OPCML: variants seen among roughly 807,000 people sequenced by gnomAD.
OPCML encodes opioid-binding protein/cell adhesion molecule.
In OPCML, 13 loss-of-function variants were observed where a neutral mutation model predicts 37.8. The ratio of observed to expected loss-of-function variants is 0.34; its 90% CI spans 0.22 to 0.55. OPCML has a LOEUF of 0.55. Among genes scored for constraint, OPCML ranks in the 20% least tolerant of loss-of-function variants. The pLI is 0.91. For missense variants in OPCML, 341 were observed against 435.6 expected (o/e 0.78, Z 1.93); for synonymous variants, 176 against 168.8 (o/e 1.04, Z -0.33).
chr11:132,612,660 G>T (rs952181687), intron 3 of OPCML, among the ~76,000 whole-genome samples: 1 of 152,122 alleles, frequency 6.6e-6, no homozygotes, highest in South Asian at 2.1e-4. Context: ...CTAAGCAGAG[G>T]CTTGAGAAGC....
intron 3 of OPCML, among the ~76,000 whole-genome samples, chr11:132,635,864 C>T (rs775316348): frequency 7.2e-5 from 11 of 152,018 alleles, no homozygotes; most frequent in Non-Finnish European, 8.8e-5. Flanking sequence ...CAGAACCAAG[C>T]GGCAGGAGGT....
At chr11:133,244,442 T>C (rs920863318) in intron 1 of OPCML, among the ~76,000 whole-genome samples, 4 of 152,030 alleles carry the variant, frequency 2.6e-5, no homozygotes, top group Non-Finnish European at 5.9e-5. Context: ...CCTAATAAGG[T>C]AGCAAACAGT....
chr11:133,264,275 G>A (rs906050940), intron 1 of OPCML, among the ~76,000 whole-genome samples: 6 of 152,150 alleles, frequency 3.9e-5, no homozygotes, highest in Non-Finnish European at 7.3e-5. Context: ...TCCAAGTGAC[G>A]GAGACAACAT....
At chr11:132,828,084 A>G (rs996746904) in intron 2 of OPCML, among the ~76,000 whole-genome samples, 1 of 152,226 alleles carries the variant, frequency 6.6e-6, no homozygotes, top group Non-Finnish European at 1.5e-5. Flanking sequence ...GTTATCAAAC[A>G]TAAAAAGGAC....
chr11:132,619,175 G>A (rs951301372), intron 3 of OPCML, among the ~76,000 whole-genome samples: 2 of 152,058 alleles, frequency 1.3e-5, no homozygotes, highest in Admixed American at 6.6e-5. Context: ...AGAGCTTCAC[G>A]TTCCTCAAGC....
intron 1 of OPCML, among the ~76,000 whole-genome samples, chr11:132,945,833 A>G (rs1260651422): frequency 6.6e-6 from 1 of 152,152 alleles, no homozygotes; most frequent in Admixed American, 6.5e-5. Context: ...CCCAGGCTGG[A>G]GTGCAGTGGC....
intron 2 of OPCML, among the ~76,000 whole-genome samples, chr11:132,881,627 A>G (rs1187743983): frequency 2.0e-5 from 3 of 151,966 alleles, no homozygotes; most frequent in African/African-American, 7.2e-5. Flanking sequence ...AAAAAATAAT[A>G]ATAATAAAAA....
chr11:133,126,876 T>C (rs999544849), intron 1 of OPCML, among the ~76,000 whole-genome samples: 1 of 152,084 alleles, frequency 6.6e-6, no homozygotes, highest in African/African-American at 2.4e-5. Flanking sequence ...AAAAGGTGCA[T>C]GTCATCACTG....
chr11:132,494,560 C>T (rs893010086), intron 4 of OPCML, among the ~76,000 whole-genome samples: 1 of 152,010 alleles, frequency 6.6e-6, no homozygotes, highest in Non-Finnish European at 1.5e-5. Flanking sequence ...AAAGATGGTT[C>T]TGCATGAAGA....
intron 1 of OPCML, among the ~76,000 whole-genome samples, chr11:133,020,481 T>C (rs1947430510): frequency 6.6e-6 from 1 of 152,214 alleles, no homozygotes; most frequent in Non-Finnish European, 1.5e-5. Context: ...TCCTGAGACA[T>C]TGGCTCAGCA....
chr11:132,462,515 C>A (rs894869419), intron 4 of OPCML, among the ~76,000 whole-genome samples: 1 of 152,114 alleles, frequency 6.6e-6, no homozygotes, highest in African/African-American at 2.4e-5. Flanking sequence ...GAGCTGGAAG[C>A]GAGTGGCATT....
At chr11:133,156,533 G>A (rs966862667) in intron 1 of OPCML, among the ~76,000 whole-genome samples, 1 of 152,204 alleles carries the variant, frequency 6.6e-6, no homozygotes. Flanking sequence ...CCTCTAGGCT[G>A]AGACTTTCTG....
intron 2 of OPCML, among the ~76,000 whole-genome samples, chr11:132,923,780 T>TTTTG (rs1194036398): frequency 2.7e-5 from 4 of 145,970 alleles, no homozygotes; most frequent in Non-Finnish European, 4.5e-5. Context: ...TTTTTTTTTT[T>TTTTG]GAGACAGAGT....
chr11:133,236,786 T>C (rs1940537332), intron 1 of OPCML, among the ~76,000 whole-genome samples: 1 of 152,210 alleles, frequency 6.6e-6, no homozygotes, highest in Non-Finnish European at 1.5e-5. Flanking sequence ...CTTCCTTTGT[T>C]CTCCTCTACT....
intron 1 of OPCML, among the ~76,000 whole-genome samples, chr11:133,134,235 T>C (rs1227757932): frequency 1.3e-5 from 2 of 152,168 alleles, no homozygotes; most frequent in Non-Finnish European, 2.9e-5. Context: ...GCCCCTTTCC[T>C]GCTCACATGA....
chr11:132,704,015 G>T (rs901963755), intron 2 of OPCML, among the ~76,000 whole-genome samples: 1 of 152,132 alleles, frequency 6.6e-6, no homozygotes, highest in South Asian at 2.1e-4. Context: ...AGTAGGCCTG[G>T]GACCTGAGTT....
chr11:132,813,341 T>TA (rs1565882421), intron 2 of OPCML, among the ~76,000 whole-genome samples: 2 of 152,198 alleles, frequency 1.3e-5, no homozygotes, highest in Admixed American at 1.3e-4. Context: ...AACATATTTT[T>TA]CCGTCAAAAG....
chr11:132,529,193 G>A lies in OPCML; in HGVS notation c.380-7C>T. 2 of 1,606,752 alleles carry A rather than the reference G, an allele frequency of 1.2e-6. No homozygotes were observed. Among genetic ancestry groups the A allele is most frequent in the Non-Finnish European group, 1.7e-6 (2 of 1,176,324 alleles). ...TTCATGATCTGAGGAGGAACTGTAAGGAAACAGGATAGAAGAAATACCTGA... is the reference window on the plus strand; with the variant it reads ...TTCATGATCTGAGGAGGAACTGTAAAGAAACAGGATAGAAGAAATACCTGA... On this transcript the variant is annotated splice_polypyrimidine_tract_variant and splice_region_variant and intron_variant, in intron 3 of 7. Coordinates refer to ENST00000524381, the MANE Select transcript of OPCML (RefSeq NM_001012393.5).
chr11:132,551,663 G>A (rs2096381943), intron 3 of OPCML, among the ~76,000 whole-genome samples: 1 of 152,100 alleles, frequency 6.6e-6, no homozygotes, highest in Non-Finnish European at 1.5e-5. Context: ...CCTCCACCCA[G>A]GAACTGACTC....
Sources: allele counts gnomAD v4.1 joint callset (sites outside exome capture counted in the v4.1 genomes callset), GRCh38; gene constraint gnomAD v4.1.1; transcripts MANE v1.5; gene names NCBI Gene and HGNC (gene_info 2026-07-23, HGNC 2026-07-21).